The following RASAL2 variants were observed in gnomAD, a reference collection of about 807,000 sequenced individuals.
The protein encoded by RASAL2 is RAS protein activator like 2.
Under a neutral mutation model 128.9 loss-of-function variants are expected in RASAL2, and 58 were observed. The observed-to-expected ratio is 0.45, with a 90% confidence interval of 0.36 to 0.56. RASAL2 has a LOEUF of 0.56. RASAL2 is among the 20% of genes least tolerant of loss of function. RASAL2 has a pLI of 0.00. For missense variants in RASAL2, 1,360 were observed against 1,601.6 expected, an observed-to-expected ratio of 0.85 and a Z score of 2.57; for synonymous variants, 561 against 580.8, an observed-to-expected ratio of 0.97 and a Z score of 0.49.
intron 3 of RASAL2, among the ~76,000 whole-genome samples, chr1:178,364,829 T>C (rs964039357): frequency 1.3e-5 from 2 of 152,212 alleles, no homozygotes; most frequent in Non-Finnish European, 2.9e-5. Flanking sequence ...ATTTCAAGAA[T>C]AGTTATGCAT....
At chr1:178,263,472 G>T (rs1191725376) in intron 1 of RASAL2, among the ~76,000 whole-genome samples, 1 of 152,158 alleles carries the variant, frequency 6.6e-6, no homozygotes, top group Non-Finnish European at 1.5e-5. Flanking sequence ...TTCCTTTTCA[G>T]GCAGTCTGAC....
chr1:178,210,712 A>G (rs1301449879), intron 1 of RASAL2, among the ~76,000 whole-genome samples: 2 of 152,218 alleles, frequency 1.3e-5, no homozygotes, highest in Non-Finnish European at 2.9e-5. Flanking sequence ...TGAATTCTGA[A>G]AGACATTTGG....
At chr1:178,109,306 T>A (rs1479662042) in intron 1 of RASAL2, among the ~76,000 whole-genome samples, 1 of 152,176 alleles carries the variant, frequency 6.6e-6, no homozygotes, top group Non-Finnish European at 1.5e-5. Flanking sequence ...CTTACTGTTT[T>A]GCCCAGGCTG....
intron 1 of RASAL2, among the ~76,000 whole-genome samples, chr1:178,222,498 T>G (rs1663647476): frequency 6.6e-6 from 1 of 152,126 alleles, no homozygotes; most frequent in Non-Finnish European, 1.5e-5. Context: ...CTGTATCATT[T>G]TACAGATACT....
intron 8 of RASAL2, among the ~76,000 whole-genome samples, chr1:178,444,031 C>T (rs977128749): frequency 1.3e-5 from 2 of 152,056 alleles, no homozygotes; most frequent in African/African-American, 4.8e-5. Context: ...AATATTTAGT[C>T]TCTTATCTGG....
chr1:178,444,011 C>T lies in RASAL2; in HGVS notation c.1482+782C>T, dbSNP rs190718151. ...TATTTCTTGATATGTCGGAATATAT[C>T]AATATATTCAATATTTAGTCTCTTA... On this transcript the variant is annotated intron_variant, in intron 8 of 17. Transcript: ENST00000367649. 7.9e-5 allele frequency among the ~76,000 whole-genome samples: 12 copies of T among 152,174 alleles called. No individual in the cohort carries two copies. In the East Asian group the frequency reaches 2.3e-3, roughly 29 times the overall value.
chr1:178,467,582 A>G (rs1227564002), intron 17 of RASAL2, among the ~76,000 whole-genome samples, 161 bp downstream of exon 17: 1 of 152,240 alleles, frequency 6.6e-6, no homozygotes. Context: ...TGTGACCTCC[A>G]TTATTTTCCT....
intron 3 of RASAL2, among the ~76,000 whole-genome samples, chr1:178,315,677 A>G (rs1668475040): frequency 2.7e-5 from 4 of 145,690 alleles, no homozygotes; most frequent in Admixed American, 2.0e-4. Flanking sequence ...TTCACTGTAG[A>G]TTCTGGATAT....
chr1:178,418,166 A>G (rs928204997), intron 4 of RASAL2, among the ~76,000 whole-genome samples: 7 of 152,174 alleles, frequency 4.6e-5, no homozygotes, highest in African/African-American at 1.7e-4. Flanking sequence ...GAAAAATTTC[A>G]TATAACTTTT....
At chr1:178,452,373 T>C in intron 10 of RASAL2, 43 bp from the exon 11 acceptor site, 3 of 1,521,806 alleles carry the variant, frequency 2.0e-6, no homozygotes, top group Middle Eastern at 3.4e-4. Flanking sequence ...CTTGTACTGG[T>C]ACTTCTGTGT....
intron 1 of RASAL2, among the ~76,000 whole-genome samples, chr1:178,163,318 G>A (rs1391170904): frequency 1.3e-5 from 2 of 151,992 alleles, no homozygotes; most frequent in African/African-American, 4.8e-5. Context: ...TTTTTATGAT[G>A]TCCAGTTTTT....
At chr1:178,338,187 T>C (rs578186049) in intron 3 of RASAL2, among the ~76,000 whole-genome samples, 1 of 152,104 alleles carries the variant, frequency 6.6e-6, no homozygotes, top group African/African-American at 2.4e-5. Context: ...TGGAGTGCAG[T>C]GGCATGATCT....
chr1:178,270,639 T>C (rs866776114), intron 1 of RASAL2, among the ~76,000 whole-genome samples: 1 of 151,888 alleles, frequency 6.6e-6, no homozygotes, highest in African/African-American at 2.4e-5. Flanking sequence ...TTTTTTTTTT[T>C]TTATGTCTAT....
chr1:178,371,353 A>ACACACACACACACACACAC (rs59882717), intron 3 of RASAL2, among the ~76,000 whole-genome samples: 2 of 109,692 alleles, frequency 1.8e-5, no homozygotes, highest in East Asian at 2.6e-4. Flanking sequence ...CACACACACA[A>ACACACACACACACACACAC]ATACACACAC....
chr1:178,452,288 G>A (rs946588685), intron 10 of RASAL2, 128 bp from the exon 11 acceptor site: 19 of 792,812 alleles, frequency 2.4e-5, no homozygotes, highest in Admixed American at 1.6e-4. Flanking sequence ...ACCTCATCCC[G>A]GAATTTCTAC....
At chr1:178,218,665 G>A (rs891246579) in intron 1 of RASAL2, among the ~76,000 whole-genome samples, 1 of 152,110 alleles carries the variant, frequency 6.6e-6, no homozygotes, top group Non-Finnish European at 1.5e-5. Context: ...CAGCCTGGGC[G>A]ACAAGAGCGA....
intron 1 of RASAL2, among the ~76,000 whole-genome samples, chr1:178,269,034 A>G (rs1023446001): frequency 1.3e-5 from 2 of 152,166 alleles, no homozygotes; most frequent in Non-Finnish European, 2.9e-5. Flanking sequence ...GAAGCCTTCT[A>G]TCTGAGTGTG....
intron 1 of RASAL2, among the ~76,000 whole-genome samples, chr1:178,239,962 T>C (rs1225323617): frequency 6.6e-6 from 1 of 152,082 alleles, no homozygotes; most frequent in East Asian, 1.9e-4. Flanking sequence ...TTTTATTTTA[T>C]AAATTTTTTA....
In RASAL2 at chr1:178,205,751, C is replaced by T. The variant is rs547055584; in HGVS notation, c.203-77813C>T. 6.7e-4 allele frequency among the ~76,000 whole-genome samples: 101 copies of T among 151,778 alleles called. No individual in the cohort carries two copies. The East Asian group carries it at 8.2e-3, about 12-fold the overall frequency. ...CAGCCTGGGCGACAGAGCGAGACTCCGTCTAACAAAAAAAAAAGACTCATG... is the reference window on the plus strand; with the variant it reads ...CAGCCTGGGCGACAGAGCGAGACTCTGTCTAACAAAAAAAAAAGACTCATG... On this transcript the variant is annotated intron_variant, in intron 1 of 17. Transcript: ENST00000367649.
Sources: gnomAD v4.1 joint callset for allele counts (sites outside exome capture counted in the v4.1 genomes callset) on GRCh38, gnomAD v4.1.1 for gene constraint, MANE v1.5 for transcripts, NCBI Gene and HGNC (gene_info 2026-07-23, HGNC 2026-07-21) for gene names.